The following CXCL13 variants were observed in gnomAD, a reference collection of about 807,000 sequenced individuals.
CXCL13 encodes C-X-C motif chemokine ligand 13.
A neutral mutation model predicts 12.2 loss-of-function variants in CXCL13; 7 were observed. The observed-to-expected ratio is 0.57, with a 90% confidence interval of 0.33 to 1.07. The LOEUF (loss-of-function observed/expected upper bound fraction) is 1.07. Ranked by LOEUF, CXCL13 falls within the 50% of genes least tolerant of loss-of-function variation. CXCL13 has a pLI of 0.04. For missense variants in CXCL13, 113 were observed against 127.4 expected, an observed-to-expected ratio of 0.89 and a Z score of 0.55; for synonymous variants, 47 against 42.4, an observed-to-expected ratio of 1.11 and a Z score of -0.42.
At chr4:77,531,098 T>TTTC in intron 1 of CXCL13, among the ~76,000 whole-genome samples, 1 of 144,344 alleles carries the variant, frequency 6.9e-6, no homozygotes, top group African/African-American at 2.5e-5. Context: ...AGTGAGTTTC[T>TTTC]TTATTATTAT....
At chr4:77,569,442 A>G (rs899607049) in intron 1 of CXCL13, among the ~76,000 whole-genome samples, 2 of 152,222 alleles carry the variant, frequency 1.3e-5, no homozygotes, top group Non-Finnish European at 2.9e-5. Flanking sequence ...TCAATGTGCA[A>G]AAATCACTAG....
chr4:77,596,467 G>C (rs1182949373), intron 1 of CXCL13, among the ~76,000 whole-genome samples: 2 of 152,130 alleles, frequency 1.3e-5, no homozygotes, highest in East Asian at 3.9e-4. Context: ...TCCCTCTTCT[G>C]TGTATACACC....
intron 1 of CXCL13, among the ~76,000 whole-genome samples, chr4:77,526,523 C>T (rs1427692968): frequency 6.6e-6 from 1 of 151,754 alleles, no homozygotes; most frequent in African/African-American, 2.4e-5. Context: ...GGGGAAAAGT[C>T]CATGGTAATT....
At chr4:77,520,927 T>A (rs116136092) in intron 1 of CXCL13, among the ~76,000 whole-genome samples, 1 of 152,050 alleles carries the variant, frequency 6.6e-6, no homozygotes, top group African/African-American at 2.4e-5. Context: ...TAAGAAAAAG[T>A]GCTGTCGAAT....
intron 1 of CXCL13, among the ~76,000 whole-genome samples, chr4:77,591,289 C>T (rs979337716): frequency 2.6e-5 from 4 of 152,056 alleles, no homozygotes; most frequent in African/African-American, 4.8e-5. Flanking sequence ...CAGTGGCTCA[C>T]GCCTGTAATC....
At chr4:77,571,475 T>G (rs1726077915) in intron 1 of CXCL13, among the ~76,000 whole-genome samples, 1 of 151,862 alleles carries the variant, frequency 6.6e-6, no homozygotes, top group African/African-American at 2.4e-5. Context: ...ATCAGCACCC[T>G]GTGTTTAGCT....
At chr4:77,516,909 T>C (rs1578031403) in intron 1 of CXCL13, among the ~76,000 whole-genome samples, 1 of 152,208 alleles carries the variant, frequency 6.6e-6, no homozygotes, top group East Asian at 1.9e-4. Flanking sequence ...AGGGTGTCAA[T>C]TTTGGATCTT....
chr4:77,560,940 T>A (rs977137169), intron 1 of CXCL13, among the ~76,000 whole-genome samples: 2 of 152,196 alleles, frequency 1.3e-5, no homozygotes, highest in African/African-American at 4.8e-5. Context: ...TCCTATATAT[T>A]TGTCACTCTG....
intron 1 of CXCL13, among the ~76,000 whole-genome samples, chr4:77,524,887 C>A (rs1578035885): frequency 6.6e-6 from 1 of 152,172 alleles, no homozygotes; most frequent in Non-Finnish European, 1.5e-5. Flanking sequence ...TTCTTATATA[C>A]CTCAATCATA....
chr4:77,526,148 T>C lies in CXCL13; in HGVS notation c.-43+14360T>C, dbSNP rs528617429. Among the ~76,000 whole-genome samples the C allele has an allele frequency of 2.0e-5, 3 of 152,262 alleles. No homozygotes were observed. In the East Asian group the frequency reaches 5.8e-4, roughly 29 times the overall value. ...CCACAGCCTTAAAACAAAGTTGGTA[T>C]ATCTTTGGATCATAAAATTGTTCCT... On this transcript the variant is annotated intron_variant, in intron 1 of 4. Coordinates refer to the CXCL13 transcript ENST00000286758.
chr4:77,518,142 T>G (rs1292039433), intron 1 of CXCL13, among the ~76,000 whole-genome samples: 2 of 152,346 alleles, frequency 1.3e-5, no homozygotes, highest in African/African-American at 4.8e-5. Context: ...TTCTGGCTTG[T>G]AGAGTTTCTG....
chr4:77,559,056 C>A (rs2119976), intron 1 of CXCL13, among the ~76,000 whole-genome samples: 5,757 of 152,288 alleles, frequency 0.038, 147 homozygotes, highest in Non-Finnish European at 0.059. Flanking sequence ...CACCAGTATA[C>A]CATCCAACTT....
intron 1 of CXCL13, among the ~76,000 whole-genome samples, chr4:77,522,103 A>G (rs971240107): frequency 6.6e-6 from 1 of 152,136 alleles, no homozygotes; most frequent in Non-Finnish European, 1.5e-5. Context: ...GTTCTTTCAC[A>G]TTTGCTGAGG....
At chr4:77,555,921 A>G (rs1436309502) in intron 1 of CXCL13, among the ~76,000 whole-genome samples, 1 of 152,184 alleles carries the variant, frequency 6.6e-6, no homozygotes, top group Non-Finnish European at 1.5e-5. Context: ...TTACATACCC[A>G]TAGAATGGCT....
intron 1 of CXCL13, among the ~76,000 whole-genome samples, chr4:77,517,999 C>T (rs1369714888): frequency 1.3e-5 from 2 of 151,846 alleles, no homozygotes; most frequent in Admixed American, 6.6e-5. Flanking sequence ...TAAGGGCAGG[C>T]CTGGTGGTGA....
chr4:77,519,266 C>G (rs535546422), intron 1 of CXCL13, among the ~76,000 whole-genome samples: 1 of 152,320 alleles, frequency 6.6e-6, no homozygotes, highest in Admixed American at 6.5e-5. Flanking sequence ...TTGAGGCAGT[C>G]TGCCCGTTCT....
chr4:77,525,315 C>A (rs1041450646), intron 1 of CXCL13, among the ~76,000 whole-genome samples: 1 of 152,206 alleles, frequency 6.6e-6, no homozygotes, highest in Non-Finnish European at 1.5e-5. Flanking sequence ...TATAATAATT[C>A]TTTATGTTTC....
intron 1 of CXCL13, among the ~76,000 whole-genome samples, chr4:77,513,069 G>A (rs976957018): frequency 1.3e-5 from 2 of 152,040 alleles, no homozygotes; most frequent in Non-Finnish European, 2.9e-5. Context: ...GAGAATGATG[G>A]TTTCCACCTT....
intron 1 of CXCL13, among the ~76,000 whole-genome samples, chr4:77,530,519 C>G (rs1190188981): frequency 6.6e-6 from 1 of 152,090 alleles, no homozygotes; most frequent in Non-Finnish European, 1.5e-5. Flanking sequence ...TGTATGTGTT[C>G]AGGAATTTAT....
Sources: allele counts gnomAD v4.1 joint callset (sites outside exome capture counted in the v4.1 genomes callset), GRCh38; gene constraint gnomAD v4.1.1; transcripts MANE v1.5; gene names NCBI Gene and HGNC (gene_info 2026-07-23, HGNC 2026-07-21).